The following CEP192 variants were observed in gnomAD, a reference collection of about 807,000 sequenced individuals.
The protein encoded by CEP192 is centrosomal protein 192, also known as centrosomal protein of 192 kDa.
Under a neutral mutation model 271.8 loss-of-function variants are expected in CEP192, and 151 were observed. The observed-to-expected ratio is 0.56, with a 90% CI of 0.49 to 0.64. The LOEUF is 0.64. CEP192 is among the 30% of genes least tolerant of loss of function. The pLI is 0.00. For synonymous variants in CEP192, 995 were observed against 1,076.5 expected, an observed-to-expected ratio of 0.92 and a Z score of 1.48; for missense variants, 2,910 against 3,020.5, an observed-to-expected ratio of 0.96 and a Z score of 0.86.
chr18:13,076,112 C>G (rs936589666), intron 30 of CEP192, among the ~76,000 whole-genome samples: 1 of 152,202 alleles, frequency 6.6e-6, no homozygotes, highest in African/African-American at 2.4e-5. Context: ...CAAGACAGTT[C>G]CCACCACAAA....
chr18:13,105,782 AT>A (rs1440581438), intron 40 of CEP192, among the ~76,000 whole-genome samples: 1 of 152,220 alleles, frequency 6.6e-6, no homozygotes. Context: ...AGTTTAGTTC[AT>A]TCCCCAAACC....
In CEP192 at chr18:12,999,486, T is replaced by A; in HGVS notation, c.62T>A (p.Phe21Tyr). Residue 21 changes from phenylalanine to tyrosine, a missense_variant, in exon 2 of 45, where the codon TTT becomes TAT. Transcript: ENST00000506447. ...CCAAGCTTTCTCACCAATTCATTAT[T>A]TGGTAACAGTGGGATTTTGGAAAAT... ...SFPSFLTNSLFGNSGILENVT... is the reference protein window; with the variant it reads ...SFPSFLTNSLYGNSGILENVT... 6.4e-7 allele frequency: 1 copy of A among 1,550,578 alleles called. No homozygotes were observed. Among genetic ancestry groups the A allele is most frequent in the Non-Finnish European group, 8.7e-7 (1 of 1,146,626 alleles).
rs151192100 is a variant in CEP192 at position 13,047,295 on chromosome 18, A to G, written c.2068-1564A>G. Among the ~76,000 whole-genome samples, 236 of 152,204 alleles carry G rather than the reference A, an allele frequency of 1.6e-3. 1 individual carries two copies. Among genetic ancestry groups the G allele is most frequent in the African/African-American group, 5.3e-3 (220 of 41,526 alleles). On this transcript the variant is annotated intron_variant, in intron 15 of 44. Transcript: ENST00000506447. The stretch of plus-strand genomic sequence containing the variant: ...TGGTTTACCTTTACTGCTGGGGTGT[A>G]TCCCTTTGTGGTCTCATCCCAAAGC...
chr18:13,061,609 A>G (rs2037411305), intron 21 of CEP192, among the ~76,000 whole-genome samples: 2 of 152,216 alleles, frequency 1.3e-5, no homozygotes, highest in Admixed American at 1.3e-4. Context: ...ATTTGCACAT[A>G]TTATAAACTT....
At chr18:13,048,507 A>G (rs2036599998) in intron 15 of CEP192, among the ~76,000 whole-genome samples, 1 of 152,224 alleles carries the variant, frequency 6.6e-6, no homozygotes, top group African/African-American at 2.4e-5. Flanking sequence ...CGACTTAATA[A>G]GGAAAGAAAA....
intron 34 of CEP192, 76 bp downstream of exon 34, chr18:13,092,603 G>A (rs2039199885): frequency 2.0e-6 from 2 of 1,010,226 alleles, no homozygotes; most frequent in Admixed American, 5.4e-5. Flanking sequence ...CTTTTTTCCT[G>A]TACTTCACTA....
At chr18:13,055,565 A>T (rs141128222) in intron 18 of CEP192, among the ~76,000 whole-genome samples, 25 of 152,300 alleles carry the variant, frequency 1.6e-4, no homozygotes, top group African/African-American at 6.0e-4. Flanking sequence ...TATTTTCCTC[A>T]TGGTATAATT....
rs1411437496 is a variant in CEP192 at position 13,017,170 on chromosome 18, T to C, written c.641-18T>C. 41 of 1,529,482 alleles carry C rather than the reference T, an allele frequency of 2.7e-5. No homozygotes were observed. Among genetic ancestry groups the C allele is most frequent in the Non-Finnish European group, 3.6e-5 (41 of 1,138,216 alleles). 94.7% of individuals were successfully genotyped at this position (1,529,482 alleles called of 1,614,324 possible). On this transcript the variant is annotated intron_variant, in intron 6 of 44. Coordinates refer to ENST00000506447, the MANE Select transcript of CEP192 (RefSeq NM_032142.4). Reference sequence around the variant, plus strand: ...CTACTTTAAAGCATGTCCTGTTTTTTCTCGATTTTATCAATAGATGATGAT... The same window carrying C: ...CTACTTTAAAGCATGTCCTGTTTTTCCTCGATTTTATCAATAGATGATGAT...
intron 37 of CEP192, among the ~76,000 whole-genome samples, chr18:13,099,933 T>C (rs1247746382): frequency 1.3e-5 from 2 of 152,210 alleles, no homozygotes; most frequent in Admixed American, 1.3e-4. Context: ...TTAGCATCCT[T>C]AGGGGATCCT....
chr18:13,094,525 T>G (rs1220463441), intron 34 of CEP192, among the ~76,000 whole-genome samples: 1 of 152,214 alleles, frequency 6.6e-6, no homozygotes, highest in Non-Finnish European at 1.5e-5. Context: ...CCCGTCCTTC[T>G]TTGCGCACTT....
In CEP192 at chr18:13,068,179, C is replaced by T. The variant is rs2144378122; in HGVS notation, c.4700C>T (p.Thr1567Ile). ...VEVAPCADVV[T>I]RLAGPSVVNH... ...GTTGCTCCTTGCGCTGATGTGGTCACTCGGCTAGCAGGCCCTTCTGTGGTC... is the reference window on the plus strand; with the variant it reads ...GTTGCTCCTTGCGCTGATGTGGTCATTCGGCTAGCAGGCCCTTCTGTGGTC... Residue 1567 changes from threonine (T) to isoleucine (I), a missense_variant, in exon 23 of 45, where the codon ACT (threonine) becomes ATT (isoleucine). By Grantham distance (89) the Thr-to-Ile change is moderately conservative. Transcript: ENST00000506447. 3 of 1,614,254 alleles carry T rather than the reference C, an allele frequency of 1.9e-6. No homozygotes were observed. The highest frequency in any genetic ancestry group is 1.1e-5 in the South Asian group (1 of 91,088).
chr18:13,088,496 C>T (rs149781101), intron 32 of CEP192, among the ~76,000 whole-genome samples: 104 of 152,210 alleles, frequency 6.8e-4, no homozygotes, highest in African/African-American at 2.4e-3. Context: ...ATATGCTGAA[C>T]TGTTGGAAAA....
chr18:13,018,500 A>G lies in CEP192; in HGVS notation c.810A>G (p.Leu270=). The change falls in exon 8 of 45, where the codon TTA becomes TTG. Residue 270 remains leucine (L), a synonymous_variant. Transcript: ENST00000506447. ...AACAGGCAAATGAAAACGGTAGCTT[A>G]AACTGCAAGTTTCAATCAGAAAATA... is the stretch of plus-strand genomic sequence containing the variant. The part of the protein sequence containing the change: ...GLRQANENGS[L]NCKFQSENNS... 1 of 1,533,844 alleles carries G rather than the reference A, an allele frequency of 6.5e-7. No homozygotes were observed. The highest frequency in any genetic ancestry group is 8.8e-7 in the Non-Finnish European group (1 of 1,135,980).
At chr18:13,072,934 A>C in intron 29 of CEP192, 75 bp from the exon 30 acceptor site, 1 of 1,547,938 alleles carries the variant, frequency 6.5e-7, no homozygotes, top group African/African-American at 1.4e-5. Flanking sequence ...TTTAGCTTTT[A>C]AGAATCTGTG....
In CEP192 at chr18:13,114,160, G is replaced by T. The variant is rs373578111; in HGVS notation, c.7198G>T (p.Ala2400Ser). 3.1e-5 allele frequency: 50 copies of T among 1,613,734 alleles called. No individual in the cohort carries two copies. In the East Asian group the frequency reaches 6.2e-4, roughly 20 times the overall value. Residue 2400 changes from alanine to serine, a missense_variant, in exon 42 of 45, where the codon GCA (alanine) becomes TCA (serine). Coordinates refer to ENST00000506447, the MANE Select transcript of CEP192 (RefSeq NM_032142.4). The part of the protein sequence containing the change: ...SIEAENEPEN[A>S]CLSTDSLIKI... ...CGAAGCAGAAAATGAGCCTGAAAAC[G>T]CATGCCTTTCCACGGATTCCCTCAT...
At chr18:13,077,876 C>T (rs984524299) in intron 30 of CEP192, among the ~76,000 whole-genome samples, 1 of 152,168 alleles carries the variant, frequency 6.6e-6, no homozygotes, top group Admixed American at 6.5e-5. Context: ...CTATAGTTAA[C>T]ATTTTGCTAT....
chr18:13,052,335 G>C (rs1372956988), intron 17 of CEP192, among the ~76,000 whole-genome samples: 1 of 152,216 alleles, frequency 6.6e-6, no homozygotes, highest in African/African-American at 2.4e-5. Flanking sequence ...CTGTAGCTCA[G>C]TTCCTCCTGT....
chr18:13,007,007 C>T (rs1025726155), intron 3 of CEP192, among the ~76,000 whole-genome samples: 2 of 152,122 alleles, frequency 1.3e-5, no homozygotes, highest in Non-Finnish European at 2.9e-5. Flanking sequence ...TCCCCACTCT[C>T]CTGCCCTCCC....
At chr18:13,041,690 G>A (rs533438749) in intron 14 of CEP192, among the ~76,000 whole-genome samples, 3 of 150,322 alleles carry the variant, frequency 2.0e-5, no homozygotes, top group South Asian at 2.2e-4. Flanking sequence ...TCAGCCTCCC[G>A]AGTAGCTGGA....
Sources: gnomAD v4.1 joint callset for allele counts (sites outside exome capture counted in the v4.1 genomes callset) on GRCh38, gnomAD v4.1.1 for gene constraint, MANE v1.5 for transcripts, NCBI Gene and HGNC (gene_info 2026-07-23, HGNC 2026-07-21) for gene names.